The following SEC23A variants were observed in gnomAD, a reference collection of about 807,000 sequenced individuals.
The protein encoded by SEC23A is protein transport protein Sec23A.
In SEC23A, 56 loss-of-function variants were observed where a neutral mutation model predicts 103.7. The ratio of observed to expected loss-of-function variants is 0.54; its 90% CI spans 0.44 to 0.67. SEC23A has a LOEUF of 0.67. Among genes scored for constraint, SEC23A ranks in the 30% least tolerant of loss-of-function variants. SEC23A has a pLI of 0.00. For missense variants in SEC23A, 784 were observed against 936.4 expected, an observed-to-expected ratio of 0.84 and a Z score of 2.12; for synonymous variants, 281 against 293.0, an observed-to-expected ratio of 0.96 and a Z score of 0.42.
chr14:39,089,989 C>T (rs1471058253), intron 5 of SEC23A, among the ~76,000 whole-genome samples: 2 of 152,098 alleles, frequency 1.3e-5, no homozygotes, highest in African/African-American at 4.8e-5. Flanking sequence ...ACTTTCTCTA[C>T]CTTCTCAAAT....
intron 15 of SEC23A, 98 bp from the exon 16 acceptor site, chr14:39,045,422 T>C (rs540878796): frequency 6.0e-5 from 49 of 811,312 alleles, no homozygotes; most frequent in Admixed American, 1.7e-4. Context: ...ATTAACAACA[T>C]AACAAAACAT....
At chr14:39,090,365 G>A (rs759346051) in intron 5 of SEC23A, among the ~76,000 whole-genome samples, 4 of 151,916 alleles carry the variant, frequency 2.6e-5, no homozygotes, top group East Asian at 1.9e-4. Context: ...AATACAAACA[G>A]ACATTCACTT....
intron 19 of SEC23A, among the ~76,000 whole-genome samples, chr14:39,038,319 G>A (rs1294306694): frequency 6.6e-6 from 1 of 151,920 alleles, no homozygotes; most frequent in Non-Finnish European, 1.5e-5. Flanking sequence ...TCTAACCTTT[G>A]TAATACTTCA....
chr14:39,044,400 C>G (rs1885759095), intron 16 of SEC23A, among the ~76,000 whole-genome samples: 1 of 151,872 alleles, frequency 6.6e-6, no homozygotes, highest in Admixed American at 6.6e-5. Context: ...AAAATAGAAA[C>G]TATTTGACCA....
chr14:39,059,983 C>G (rs1407646648), intron 13 of SEC23A, among the ~76,000 whole-genome samples: 1 of 152,018 alleles, frequency 6.6e-6, no homozygotes, highest in African/African-American at 2.4e-5. Context: ...CTTTGTCTTC[C>G]AAGACATTTT....
intron 1 of SEC23A, among the ~76,000 whole-genome samples, chr14:39,100,599 G>C (rs376490401): frequency 6.6e-6 from 1 of 151,874 alleles, no homozygotes; most frequent in African/African-American, 2.4e-5. Flanking sequence ...TTTTAGTAGA[G>C]ATGGGGTTTC....
At chr14:39,056,556 CCT>C (rs1365429212) in intron 13 of SEC23A, among the ~76,000 whole-genome samples, 2 of 151,182 alleles carry the variant, frequency 1.3e-5, no homozygotes, top group Non-Finnish European at 2.9e-5. Context: ...CTCACTGCAA[CCT>C]CTGTCTCCTG....
chr14:39,047,171 G>A (rs145236419), intron 15 of SEC23A, among the ~76,000 whole-genome samples: 1 of 152,162 alleles, frequency 6.6e-6, no homozygotes, highest in East Asian at 1.9e-4. Context: ...AGGGTCCTCT[G>A]CTTCCTATTT....
At chr14:39,100,855 T>C (rs1888066158) in intron 1 of SEC23A, among the ~76,000 whole-genome samples, 1 of 152,180 alleles carries the variant, frequency 6.6e-6, no homozygotes, top group African/African-American at 2.4e-5. Context: ...TAGTCTCTTT[T>C]TTTTTTGAGA....
intron 11 of SEC23A, among the ~76,000 whole-genome samples, chr14:39,064,329 T>C (rs1412852464): frequency 2.6e-5 from 4 of 152,248 alleles, no homozygotes; most frequent in Admixed American, 1.3e-4. Flanking sequence ...GAGTACGTTA[T>C]ACTTCCATTA....
chr14:39,046,625 C>G (rs1450538682), intron 15 of SEC23A, among the ~76,000 whole-genome samples: 1 of 152,090 alleles, frequency 6.6e-6, no homozygotes, highest in African/African-American at 2.4e-5. Flanking sequence ...CACATATATA[C>G]CCATATAATT....
In SEC23A at chr14:39,074,377, C is replaced by T. The variant is rs753310788; in HGVS notation, c.1103+38G>A. On this transcript the variant is annotated intron_variant, in intron 9 of 19. Coordinates refer to ENST00000307712, the MANE Select transcript of SEC23A (RefSeq NM_006364.4). Reference sequence around the variant, plus strand: ...TTATATCAGTAAATGTCATCATTTGCTTATAATTACAAAAACTGTAAAAAT... The same window carrying T: ...TTATATCAGTAAATGTCATCATTTGTTTATAATTACAAAAACTGTAAAAAT... 9 of 1,298,038 alleles carry T rather than the reference C, an allele frequency of 6.9e-6. No individual in the cohort carries two copies. In the South Asian group the frequency reaches 9.4e-5, roughly 14 times the overall value. 80.4% of individuals were successfully genotyped at this position (1,298,038 alleles called of 1,614,324 possible). A position where few individuals can be genotyped will look rare whatever the true frequency, so the allele number is the denominator to read the frequency against.
At chr14:39,048,857 A>T (rs1885940441) in intron 14 of SEC23A, 128 bp from the exon 15 acceptor site, 1 of 634,464 alleles carries the variant, frequency 1.6e-6, no homozygotes, top group Non-Finnish European at 2.8e-6. Context: ...GAATAAAATT[A>T]TAATATTACT....
intron 14 of SEC23A, among the ~76,000 whole-genome samples, chr14:39,049,270 G>A (rs1006430983): frequency 6.6e-6 from 1 of 152,006 alleles, no homozygotes; most frequent in South Asian, 2.1e-4. Flanking sequence ...AAGGTCAGGA[G>A]TTCGAGACCA....
Position 39,075,869 on chromosome 14 carries a change from C to G in SEC23A, c.987+66G>C, listed in dbSNP as rs1165354531. On this transcript the variant is annotated intron_variant, in intron 8 of 19. Transcript: ENST00000307712. ...ATTTCTATCAAAAACTATTTGTATT[C>G]TTCTTCTGCCAGCAAATGAATACCT... The G allele has an allele frequency of 4.4e-6, 6 of 1,370,784 alleles. No homozygotes were observed. The Admixed American group carries it at 5.1e-5, about 12-fold the overall frequency. The allele number at this position is 1,370,784 out of a possible 1,614,324, so 84.9% of individuals were successfully genotyped here.
rs150640760 is a variant in SEC23A, at chr14:39,060,348, C to G, written c.1505+1417G>C. Among the ~76,000 whole-genome samples the G allele has an allele frequency of 1.3e-3, 194 of 152,328 alleles. 1 individual carries two copies. Among genetic ancestry groups the G allele is most frequent in the Admixed American group, 4.2e-3 (65 of 15,300 alleles). On this transcript the variant is annotated intron_variant, in intron 13 of 19. Transcript: ENST00000307712. ...GTGCTAAGTAATAGATCACCCAATA[C>G]AGCTAATACTCAGTTCAAATGTTGT...
At chr14:39,060,424 A>G (rs1037279585) in intron 13 of SEC23A, among the ~76,000 whole-genome samples, 5 of 152,170 alleles carry the variant, frequency 3.3e-5, no homozygotes. Context: ...GAATGAAGCT[A>G]GAGTTTAAGT....
At chr14:39,048,583 T>G in intron 15 of SEC23A, 69 bp downstream of exon 15, 2 of 969,092 alleles carry the variant, frequency 2.1e-6, no homozygotes, top group Non-Finnish European at 3.3e-6. Flanking sequence ...ATGGATGACA[T>G]AGGGAGAGCC....
intron 13 of SEC23A, among the ~76,000 whole-genome samples, chr14:39,058,990 T>G (rs968749793): frequency 6.6e-6 from 1 of 152,142 alleles, no homozygotes; most frequent in African/African-American, 2.4e-5. Flanking sequence ...ACATTCCAAG[T>G]GAACACATGC....
Sources: allele counts gnomAD v4.1 joint callset (sites outside exome capture counted in the v4.1 genomes callset), GRCh38; gene constraint gnomAD v4.1.1; transcripts MANE v1.5; gene names NCBI Gene and HGNC (gene_info 2026-07-23, HGNC 2026-07-21).